The following FMR1 variants were observed in gnomAD, a reference collection of about 807,000 sequenced individuals.
The protein encoded by FMR1 is fragile X messenger ribonucleoprotein 1, also known as FMRP translational regulator 1.
Under a neutral mutation model 50.6 loss-of-function variants are expected in FMR1, and 13 were observed. The observed-to-expected ratio is 0.26, with a 90% CI of 0.17 to 0.41. The LOEUF is 0.41. FMR1 is among the 10% of genes least tolerant of loss of function. The pLI, the probability that FMR1 is intolerant of heterozygous loss-of-function variation, is 1.00. For missense variants in FMR1, 316 were observed against 491.3 expected (o/e 0.64, Z 3.37); for synonymous variants, 138 against 164.1 (o/e 0.84, Z 1.22).
intron 15 of FMR1, 141 bp downstream of exon 15, chrX:147,945,192 C>T (rs1332058758): frequency 6.5e-6 from 6 of 923,531 alleles, no homozygotes; most frequent in African/African-American, 1.9e-5. Context: ...AAGGATCAGC[C>T]TTCCACTTGT....
chrX:147,943,181 A>G lies in FMR1; in HGVS notation c.1326A>G (p.Arg442=). 8.3e-7 allele frequency: 1 copy of G among 1,211,272 alleles called. No individual in the cohort carries two copies. Among genetic ancestry groups the G allele is most frequent in the Admixed American group, 2.2e-5 (1 of 46,038 alleles). ...LERLQIDEQL[R]QIGASSRPPP... The stretch of plus-strand genomic sequence containing the variant: ...GATTACAAATTGATGAGCAGTTGCG[A>G]CAGATTGGAGCTAGTTCTAGACCAC... Residue 442 remains arginine (R), a synonymous_variant, in exon 14 of 17, where the codon CGA becomes CGG. Transcript: ENST00000370475.
At chrX:147,934,219 A>G (rs1473150444) in intron 9 of FMR1, among the ~76,000 whole-genome samples, 1 of 109,154 alleles carries the variant, frequency 9.2e-6, no homozygotes, top group Non-Finnish European at 1.9e-5. Flanking sequence ...TTTTTTTTTA[A>G]TAGCAAATGA....
intron 11 of FMR1, 23 bp downstream of exon 11, chrX:147,937,623 A>T: frequency 1.4e-6 from 1 of 725,859 alleles, no homozygotes; most frequent in Admixed American, 2.2e-5. Flanking sequence ...TGTCACTTTG[A>T]ATTACAATAC....
chrX:147,912,342 C>G (rs2042621657), intron 1 of FMR1, 112 bp downstream of exon 1: 2 of 716,373 alleles, frequency 2.8e-6, no homozygotes, highest in Non-Finnish European at 4.2e-6. Flanking sequence ...CGCCTGGGTG[C>G]CAGGGCACGC....
intron 14 of FMR1, chrX:147,944,462 C>T (rs1206345325): frequency 6.7e-6 from 5 of 751,373 alleles, no homozygotes; most frequent in African/African-American, 2.3e-5. Flanking sequence ...CTGTCCTGGG[C>T]CAAATCTTGC....
rs782013598 is a variant in FMR1 at position 147,938,205 on chromosome X, T to C, written c.1188+44T>C. The C allele has an allele frequency of 4.1e-6, 4 of 968,926 alleles. No homozygotes were observed. In the South Asian group the frequency reaches 5.8e-5, roughly 14 times the overall value. 79.9% of individuals were successfully genotyped at this position (968,926 alleles called of 1,213,427 possible). A position where few individuals can be genotyped will look rare whatever the true frequency, so the allele number is the denominator to read the frequency against. Reference sequence around the variant, plus strand: ...AGAAATACACTTTCAGTTTATATTTTAATGTTTATTCCCCTTGTTAACAAA... The same window carrying C: ...AGAAATACACTTTCAGTTTATATTTCAATGTTTATTCCCCTTGTTAACAAA... On this transcript the variant is annotated intron_variant, in intron 12 of 16. Coordinates refer to ENST00000370475, the MANE Select transcript of FMR1 (RefSeq NM_002024.6).
At chrX:147,914,584 C>T (rs2124409383) in intron 1 of FMR1, 1 of 112,038 alleles carries the variant, frequency 8.9e-6, no homozygotes, top group African/African-American at 3.2e-5. Context: ...ATTTGCCTAA[C>T]ATAACCACCA....
intron 1 of FMR1, among the ~76,000 whole-genome samples, chrX:147,919,407 C>T (rs2043045771): frequency 9.0e-6 from 1 of 111,658 alleles, no homozygotes; most frequent in Non-Finnish European, 1.9e-5. Flanking sequence ...GCAAACAATC[C>T]CTTGAAGCAC....
At position 147,940,561 on chromosome X, in the gene FMR1, C is replaced by T. The variant is rs782694379; in HGVS notation, c.1189-15C>T. 1 of 1,094,356 alleles carries T rather than the reference C, an allele frequency of 9.1e-7. No homozygotes were observed. Among genetic ancestry groups the T allele is most frequent in the Non-Finnish European group, 1.3e-6 (1 of 788,642 alleles). The allele number at this position is 1,094,356 out of a possible 1,213,427, so 90.2% of individuals were successfully genotyped here. A position where few individuals can be genotyped will look rare whatever the true frequency, so the allele number is the denominator to read the frequency against. On this transcript the variant is annotated splice_polypyrimidine_tract_variant and intron_variant, in intron 12 of 16. Transcript: ENST00000370475. ...CATTACTTTTATAGGATCATTGTTG[C>T]AATTTCTTTTTCAGGGTATGGTACC...
At chrX:147,932,033 A>C (rs1425783445) in intron 7 of FMR1, among the ~76,000 whole-genome samples, 1 of 111,573 alleles carries the variant, frequency 9.0e-6, no homozygotes, top group African/African-American at 3.3e-5. Flanking sequence ...ATATTTAAAC[A>C]TTTTTTTACC....
chrX:147,949,922 A>G lies in FMR1; in HGVS notation c.*1078A>G, dbSNP rs1557183178. On this transcript the variant is annotated 3_prime_UTR_variant, in exon 17 of 17. Transcript: ENST00000370475. The stretch of plus-strand genomic sequence containing the variant: ...GCAAAGTACAGGTACTTTGTCTAAG[A>G]AACATTGGAAGCAGGTTAAATGTTT... 1 of 327,692 alleles carries G rather than the reference A, an allele frequency of 3.1e-6. No individual in the cohort carries two copies. The highest frequency in any genetic ancestry group is 2.7e-5 in the South Asian group (1 of 37,394). The allele number at this position is 327,692 out of a possible 1,213,427, so 27.0% of individuals were successfully genotyped here. A position where few individuals can be genotyped will look rare whatever the true frequency, so the allele number is the denominator to read the frequency against.
At chrX:147,937,086 C>G (rs1169920360) in intron 10 of FMR1, among the ~76,000 whole-genome samples, 2 of 111,385 alleles carry the variant, frequency 1.8e-5, no homozygotes, top group African/African-American at 3.3e-5. Flanking sequence ...CTTAATATCT[C>G]TTCCCCATCC....
chrX:147,939,589 T>G (rs1419307182), intron 12 of FMR1, among the ~76,000 whole-genome samples: 4 of 111,297 alleles, frequency 3.6e-5, no homozygotes, highest in African/African-American at 1.3e-4. Context: ...GTATTTCATT[T>G]TGATTTTTTT....
At chrX:147,931,950 G>A (rs933397181) in intron 7 of FMR1, among the ~76,000 whole-genome samples, 6 of 111,629 alleles carry the variant, frequency 5.4e-5, no homozygotes, top group Non-Finnish European at 9.4e-5. Flanking sequence ...TATAAAAAAT[G>A]GCACTGTTTC....
At chrX:147,922,436 T>G (rs1347827428) in intron 2 of FMR1, among the ~76,000 whole-genome samples, 1 of 112,079 alleles carries the variant, frequency 8.9e-6, no homozygotes, top group Non-Finnish European at 1.9e-5. Context: ...TCTGATTTTT[T>G]TTAATGTTTC....
chrX:147,933,687 C>G, intron 9 of FMR1: 7 of 758,974 alleles, frequency 9.2e-6, no homozygotes, highest in Non-Finnish European at 1.1e-5. Flanking sequence ...GACATACTGC[C>G]TATATGTTTT....
chrX:147,912,109 G>GGCT lies in FMR1; in HGVS notation c.-69_-67dup, dbSNP rs782184011. 1.3e-6 allele frequency: 1 copy of GGCT among 757,978 alleles called. No individual in the cohort carries two copies. Among genetic ancestry groups the GGCT allele is most frequent in the Middle Eastern group, 6.6e-4 (1 of 1,522 alleles). 62.5% of individuals were successfully genotyped at this position (757,978 alleles called of 1,213,427 possible). A position where few individuals can be genotyped will look rare whatever the true frequency, so the allele number is the denominator to read the frequency against. On this transcript the variant is annotated 5_prime_UTR_variant, in exon 1 of 17. Coordinates refer to ENST00000370475, the MANE Select transcript of FMR1 (RefSeq NM_002024.6). ...CGGCGGCGGCGGCGGCGGCGGCGGC[G>GGCT]GCTGGGCCTCGAGCGCCCGCAGCCC...
intron 1 of FMR1, chrX:147,912,675 C>T (rs2124388671): frequency 6.7e-6 from 2 of 299,978 alleles, no homozygotes; most frequent in Admixed American, 1.2e-4. Context: ...GGGCCGCCTC[C>T]TGCAGCGCCA....
intron 1 of FMR1, among the ~76,000 whole-genome samples, chrX:147,916,131 G>A (rs1348430293): frequency 8.9e-6 from 1 of 112,328 alleles, no homozygotes; most frequent in Non-Finnish European, 1.9e-5. Flanking sequence ...GTTAAGGAAA[G>A]ATAAAGTTAG....
Sources: gnomAD v4.1 joint callset for allele counts (sites outside exome capture counted in the v4.1 genomes callset) on GRCh38, gnomAD v4.1.1 for gene constraint, MANE v1.5 for transcripts, NCBI Gene and HGNC (gene_info 2026-07-23, HGNC 2026-07-21) for gene names.